Variants in GRIK4 observed in about 807,000 individuals in gnomAD.
GRIK4 encodes glutamate ionotropic receptor kainate type subunit 4, also known as glutamate receptor ionotropic, kainate 4.
Under a neutral mutation model 104.9 loss-of-function variants are expected in GRIK4, and 40 were observed. That is an observed-to-expected ratio of 0.38 (90% CI 0.30 to 0.50). The LOEUF (loss-of-function observed/expected upper bound fraction) is 0.50. Among genes scored for constraint, GRIK4 ranks in the 20% least tolerant of loss-of-function variants. GRIK4 has a pLI of 0.93. For missense variants in GRIK4, 1,047 were observed against 1,308.1 expected (o/e 0.80, Z 3.08); for synonymous variants, 485 against 524.9 (o/e 0.92, Z 1.04).
intron 14 of GRIK4, among the ~76,000 whole-genome samples, chr11:120,941,495 C>T (rs997412957): frequency 8.5e-5 from 13 of 152,104 alleles, no homozygotes; most frequent in African/African-American, 2.2e-4. Flanking sequence ...TTGTGTCCCC[C>T]GCCACCAAAA....
intron 1 of GRIK4, among the ~76,000 whole-genome samples, chr11:120,586,594 C>G (rs978474373): frequency 2.0e-5 from 3 of 152,110 alleles, no homozygotes; most frequent in African/African-American, 7.2e-5. Flanking sequence ...GAGGAGTTCT[C>G]CTTTACTGCC....
At chr11:120,658,440 T>C (rs983034595) in intron 2 of GRIK4, among the ~76,000 whole-genome samples, 1 of 152,132 alleles carries the variant, frequency 6.6e-6, no homozygotes, top group Admixed American at 6.5e-5. Flanking sequence ...GATGTAAAGC[T>C]CTAGTATACC....
chr11:120,787,165 C>CA (rs1434688036), intron 3 of GRIK4, among the ~76,000 whole-genome samples: 11 of 149,708 alleles, frequency 7.3e-5, no homozygotes, highest in East Asian at 3.9e-4. Flanking sequence ...TTAACAACAA[C>CA]AAAAAAAATA....
chr11:120,797,688 T>A (rs1952546089), intron 3 of GRIK4, among the ~76,000 whole-genome samples: 1 of 152,178 alleles, frequency 6.6e-6, no homozygotes, highest in Non-Finnish European at 1.5e-5. Context: ...AAGTGGTCCC[T>A]GAATCGCACG....
intron 7 of GRIK4, among the ~76,000 whole-genome samples, chr11:120,833,848 G>A (rs1953500983): frequency 1.3e-5 from 2 of 151,952 alleles, no homozygotes; most frequent in African/African-American, 2.4e-5. Flanking sequence ...TTCTGTAAGC[G>A]CTTTTTGTCC....
intron 1 of GRIK4, among the ~76,000 whole-genome samples, chr11:120,628,911 C>T (rs1031800197): frequency 6.6e-6 from 1 of 152,202 alleles, no homozygotes; most frequent in African/African-American, 2.4e-5. Flanking sequence ...ATTAAGCAAG[C>T]AGTACTTGCC....
chr11:120,708,399 C>A (rs1950665193), intron 3 of GRIK4, among the ~76,000 whole-genome samples: 1 of 152,118 alleles, frequency 6.6e-6, no homozygotes, highest in Non-Finnish European at 1.5e-5. Flanking sequence ...TAGCTCAGCT[C>A]CACAGAGGTC....
chr11:120,939,964 AG>A lies in GRIK4; in HGVS notation c.1477-380del, dbSNP rs1943682752. ...CACTGCACTCCAGCCTGGGCGACAG[AG>A]GGAGACCCTGTATCCAGAAAAAAAA... On this transcript the variant is annotated intron_variant, in intron 13 of 20. Transcript: ENST00000527524. The surrounding 1 kb of genome is among the most constrained non-coding windows in gnomAD (Gnocchi z 5.6). Among the ~76,000 whole-genome samples the A allele has an allele frequency of 6.6e-6, 1 of 151,540 alleles. No homozygotes were observed. The highest frequency in any genetic ancestry group is 2.1e-4 in the South Asian group (1 of 4,782).
At position 120,744,979 on chromosome 11, in the gene GRIK4, C is replaced by T. The variant is rs368187706; in HGVS notation, c.83-57714C>T. On this transcript the variant is annotated intron_variant, in intron 3 of 20. Transcript: ENST00000527524. ...AGAAAAAAATGGCCCAATTCTACCA[C>T]GGTGGTAATTAAATTTGTGTTTCTT... 2.6e-5 allele frequency among the ~76,000 whole-genome samples: 4 copies of T among 152,300 alleles called. No individual in the cohort carries two copies. In the East Asian group the frequency reaches 5.8e-4, roughly 22 times the overall value.
intron 13 of GRIK4, among the ~76,000 whole-genome samples, chr11:120,918,436 T>C (rs1326730007): frequency 2.6e-5 from 4 of 152,162 alleles, no homozygotes; most frequent in Non-Finnish European, 5.9e-5. Flanking sequence ...TTCACACAGT[T>C]TTTACTTTCA....
rs1045088886 is a variant in GRIK4 at position 120,956,494 on chromosome 11, C to T, written c.1701-286C>T. Reference sequence around the variant, plus strand: ...TGCTGGGATTACAGGCATGAGCCACCGCACCTGGCCATCCTCTATTCTGTA... The same window carrying T: ...TGCTGGGATTACAGGCATGAGCCACTGCACCTGGCCATCCTCTATTCTGTA... On this transcript the variant is annotated intron_variant, in intron 15 of 20. Coordinates refer to ENST00000527524, the MANE Select transcript of GRIK4 (RefSeq NM_014619.5). This position sits in a 1 kb window ranked among gnomAD's most constrained non-coding sequence, Gnocchi z 4.6. Among the ~76,000 whole-genome samples, 4 of 152,152 alleles carry T rather than the reference C, an allele frequency of 2.6e-5. No homozygotes were observed. Among genetic ancestry groups the T allele is most frequent in the South Asian group, 2.1e-4 (1 of 4,822 alleles).
chr11:120,930,053 C>T (rs1276326749), intron 13 of GRIK4, among the ~76,000 whole-genome samples: 3 of 151,962 alleles, frequency 2.0e-5, no homozygotes, highest in African/African-American at 7.2e-5. Context: ...TGGCTCTTCA[C>T]TAGGGACTGA....
intron 14 of GRIK4, among the ~76,000 whole-genome samples, chr11:120,947,349 C>G (rs1045659967): frequency 2.0e-5 from 3 of 151,222 alleles, no homozygotes; most frequent in Non-Finnish European, 2.9e-5. Flanking sequence ...TTGTAGTGAG[C>G]CGAGATTGCA....
intron 1 of GRIK4, among the ~76,000 whole-genome samples, chr11:120,652,940 G>A (rs1457261723): frequency 1.3e-5 from 2 of 152,222 alleles, no homozygotes; most frequent in African/African-American, 4.8e-5. Flanking sequence ...GTGCCTGTCT[G>A]TGCTTATGAA....
chr11:120,691,474 G>A (rs1425086313), intron 3 of GRIK4, among the ~76,000 whole-genome samples: 1 of 152,196 alleles, frequency 6.6e-6, no homozygotes, highest in African/African-American at 2.4e-5. Flanking sequence ...CTGAGGCTCA[G>A]CATTGTTAAA....
chr11:120,676,733 C>A (rs1591794831), intron 3 of GRIK4, among the ~76,000 whole-genome samples: 1 of 152,224 alleles, frequency 6.6e-6, no homozygotes, highest in Non-Finnish European at 1.5e-5. Context: ...CCCCACTTCC[C>A]AGCACTGCCA....
chr11:120,917,388 G>T (rs1943133873), intron 13 of GRIK4, among the ~76,000 whole-genome samples: 2 of 152,124 alleles, frequency 1.3e-5, no homozygotes, highest in Admixed American at 1.3e-4. Context: ...ACTGTGCTGG[G>T]GTGTGGGGTA....
At chr11:120,892,371 G>A (rs1187344621) in intron 11 of GRIK4, among the ~76,000 whole-genome samples, 1 of 152,198 alleles carries the variant, frequency 6.6e-6, no homozygotes, top group Non-Finnish European at 1.5e-5. Context: ...TGGCGTGTAT[G>A]TGAGATTTGG....
chr11:120,678,943 TTTTTG>T (rs1228760308), intron 3 of GRIK4, among the ~76,000 whole-genome samples: 17 of 151,932 alleles, frequency 1.1e-4, no homozygotes, highest in African/African-American at 3.6e-4. Context: ...TGGTTTTTTT[TTTTTG>T]TTTGTTTGTT....
Sources: gnomAD v4.1 joint callset for allele counts (sites outside exome capture counted in the v4.1 genomes callset) on GRCh38, gnomAD v4.1.1 for gene constraint, Gnocchi (gnomAD v3.1) non-coding constraint, MANE v1.5 for transcripts, NCBI Gene and HGNC (gene_info 2026-07-23, HGNC 2026-07-21) for gene names.